Variants in CCDC141 observed in about 807,000 individuals in gnomAD.
The protein encoded by CCDC141 is coiled-coil domain containing 141.
CCDC141 carries 168 observed loss-of-function variants against 181.0 expected under a neutral mutation model. The ratio of observed to expected loss-of-function variants is 0.93; its 90% CI spans 0.82 to 1.05. CCDC141 has a LOEUF of 1.05. CCDC141 is among the 50% of genes least tolerant of loss of function. CCDC141 has a pLI of 0.00. For synonymous variants in CCDC141, 666 were observed against 642.3 expected (o/e 1.04, Z -0.56); for missense variants, 1,902 against 1,788.5 (o/e 1.06, Z -1.14).
chr2:178,982,940 G>C (rs1175870806), intron 2 of CCDC141, among the ~76,000 whole-genome samples: 1 of 152,224 alleles, frequency 6.6e-6, no homozygotes, highest in Non-Finnish European at 1.5e-5. Flanking sequence ...CAGCCTGGAA[G>C]CTCGAACTGG....
chr2:178,921,800 G>T (rs4893859), intron 6 of CCDC141, among the ~76,000 whole-genome samples: 91,084 of 152,072 alleles, frequency 0.6, 29,147 homozygotes, highest in East Asian at 0.9. Flanking sequence ...TTTCTGTTTC[G>T]TTCTTTGTTT....
intron 17 of CCDC141, among the ~76,000 whole-genome samples, chr2:178,862,345 A>C (rs1685657737): frequency 6.6e-6 from 1 of 152,206 alleles, no homozygotes; most frequent in Non-Finnish European, 1.5e-5. Flanking sequence ...CTTTTCAGCA[A>C]AGTAATTGTG....
intron 8 of CCDC141, among the ~76,000 whole-genome samples, chr2:178,889,736 C>A (rs954179404): frequency 6.6e-6 from 1 of 152,110 alleles, no homozygotes; most frequent in Non-Finnish European, 1.5e-5. Flanking sequence ...CCACAGAAGT[C>A]CCAGGTAAGT....
At chr2:178,934,297 C>T (rs1261038604) in intron 6 of CCDC141, among the ~76,000 whole-genome samples, 1 of 151,872 alleles carries the variant, frequency 6.6e-6, no homozygotes, top group Admixed American at 6.6e-5. Context: ...ACTGATTATG[C>T]CTTCTCAAAA....
intron 2 of CCDC141, among the ~76,000 whole-genome samples, chr2:179,014,589 A>C (rs933630005): frequency 6.6e-6 from 1 of 152,036 alleles, no homozygotes; most frequent in African/African-American, 2.4e-5. Flanking sequence ...AAAACAAACA[A>C]TCCCATCAAA....
intron 4 of CCDC141, among the ~76,000 whole-genome samples, chr2:178,966,655 G>A (rs140479791): frequency 0.024 from 3,594 of 152,166 alleles, 64 homozygotes; most frequent in African/African-American, 0.047. Context: ...AAACCAGTGC[G>A]AAAAGGCTGA....
chr2:178,957,970 T>C (rs533274137), intron 5 of CCDC141, among the ~76,000 whole-genome samples: 110 of 152,304 alleles, frequency 7.2e-4, no homozygotes, highest in African/African-American at 2.6e-3. Context: ...GCTTTAAGCA[T>C]AAATGAGCTA....
downstream of CCDC141, among the ~76,000 whole-genome samples, chr2:178,827,111 T>C (rs1269371142): frequency 6.6e-6 from 1 of 152,230 alleles, no homozygotes; most frequent in African/African-American, 2.4e-5. Context: ...TTTTTTGATC[T>C]ACATGTTATT....
intron 17 of CCDC141, among the ~76,000 whole-genome samples, chr2:178,865,024 C>A (rs1360209821): frequency 6.6e-6 from 1 of 152,176 alleles, no homozygotes; most frequent in Admixed American, 6.5e-5. Flanking sequence ...TCTCCCAGAA[C>A]AAGTAAGCCT....
the CCDC141 span, among the ~76,000 whole-genome samples, chr2:178,821,900 T>A: frequency 6.6e-6 from 1 of 152,180 alleles, no homozygotes; most frequent in African/African-American, 2.4e-5. Flanking sequence ...AGCCATCCCA[T>A]TACTGGGTAT....
At chr2:178,907,015 G>A (rs1688002425) in intron 7 of CCDC141, among the ~76,000 whole-genome samples, 2 of 152,152 alleles carry the variant, frequency 1.3e-5, no homozygotes, top group African/African-American at 4.8e-5. Flanking sequence ...TCCCACCAAT[G>A]TCCTCATGTC....
At chr2:179,020,455 GA>G (rs941712701) in intron 2 of CCDC141, among the ~76,000 whole-genome samples, 1 of 152,126 alleles carries the variant, frequency 6.6e-6, no homozygotes, top group Non-Finnish European at 1.5e-5. Flanking sequence ...CGTTGGCTGT[GA>G]TATGATAGCA....
chr2:178,908,195 T>C (rs1344582626), intron 7 of CCDC141, among the ~76,000 whole-genome samples: 1 of 152,094 alleles, frequency 6.6e-6, no homozygotes. Context: ...GTTAGGTTTT[T>C]TGTTTTGTTT....
chr2:178,853,320 C>G, intron 20 of CCDC141, 121 bp downstream of exon 20: 1 of 809,192 alleles, frequency 1.2e-6, no homozygotes, highest in South Asian at 1.9e-5. Flanking sequence ...GAACATTTTC[C>G]CTGAATACAC....
intron 2 of CCDC141, among the ~76,000 whole-genome samples, chr2:178,998,606 CTTTA>C (rs1559038122): frequency 6.6e-6 from 1 of 152,084 alleles, no homozygotes; most frequent in African/African-American, 2.4e-5. Flanking sequence ...CGCCAGTAAT[CTTTA>C]TTTAATTATC....
chr2:179,002,400 G>T, intron 2 of CCDC141: 2 of 318,088 alleles, frequency 6.3e-6, no homozygotes, highest in South Asian at 2.8e-5. Context: ...TGTAAAAAAG[G>T]GAGAGAAGGA....
At chr2:178,931,120 A>C (rs188278107) in intron 6 of CCDC141, among the ~76,000 whole-genome samples, 5 of 152,324 alleles carry the variant, frequency 3.3e-5, no homozygotes, top group Admixed American at 3.3e-4. Context: ...ACAATGAACT[A>C]GCACTTCATG....
At chr2:178,856,970 A>G (rs943112481) in intron 17 of CCDC141, among the ~76,000 whole-genome samples, 1 of 152,250 alleles carries the variant, frequency 6.6e-6, no homozygotes, top group African/African-American at 2.4e-5. Flanking sequence ...AAGTAATTAT[A>G]AAATGTTAAT....
intron 2 of CCDC141, among the ~76,000 whole-genome samples, chr2:179,037,797 A>G (rs909558047): frequency 8.5e-5 from 13 of 152,200 alleles, no homozygotes; most frequent in Admixed American, 3.9e-4. Flanking sequence ...CCACAATAAC[A>G]TATCACTTCA....
Sources: allele counts gnomAD v4.1 joint callset (sites outside exome capture counted in the v4.1 genomes callset), GRCh38; gene constraint gnomAD v4.1.1; transcripts MANE v1.5; gene names NCBI Gene and HGNC (gene_info 2026-07-23, HGNC 2026-07-21).